ART1: variants seen among roughly 807,000 people sequenced by gnomAD.
ART1 encodes GPI-linked NAD(P)(+)--arginine ADP-ribosyltransferase 1.
ART1 carries 29 observed loss-of-function variants against 27.0 expected under a neutral mutation model. The observed-to-expected ratio is 1.08, with a 90% CI of 0.80 to 1.47. ART1 has a LOEUF of 1.47. ART1 is among the 40% of genes most tolerant of loss of function. ART1 has a pLI of 0.00. For synonymous variants in ART1, 201 were observed against 172.2 expected, an observed-to-expected ratio of 1.17 and a Z score of -1.31; for missense variants, 480 against 423.0, an observed-to-expected ratio of 1.13 and a Z score of -1.18.
At position 3,661,360 on chromosome 11, in the gene ART1, T is replaced by C. The variant is rs2077618570; in HGVS notation, c.845-12T>C. 6.2e-7 allele frequency: 1 copy of C among 1,610,800 alleles called. No homozygotes were observed. The highest frequency in any genetic ancestry group is 8.5e-7 in the Non-Finnish European group (1 of 1,179,196). On this transcript the variant is annotated splice_polypyrimidine_tract_variant and intron_variant, in intron 3 of 4. Transcript: ENST00000250693. ...CCTGAGCCTTTCATTCTTTACTGTT[T>C]CTTTTCTATAGACAAGAAGTGCAAG... is the stretch of plus-strand genomic sequence containing the variant.
chr11:3,653,441 C>T (rs548090218), intron 1 of ART1, among the ~76,000 whole-genome samples: 1 of 148,424 alleles, frequency 6.7e-6, no homozygotes, highest in Non-Finnish European at 1.5e-5. Flanking sequence ...CTTGTGACCC[C>T]CACTCTGACT....
intron 1 of ART1, among the ~76,000 whole-genome samples, chr11:3,651,573 T>A (rs2077522355): frequency 6.6e-6 from 1 of 150,826 alleles, no homozygotes; most frequent in African/African-American, 2.5e-5. Context: ...AGCCCTCATG[T>A]CTGCGTGCAG....
intron 1 of ART1, among the ~76,000 whole-genome samples, chr11:3,651,648 T>A (rs2077522942): frequency 6.6e-6 from 1 of 151,896 alleles, no homozygotes; most frequent in East Asian, 1.9e-4. Flanking sequence ...AGCTCACTCT[T>A]CACATTTCTC....
intron 1 of ART1, among the ~76,000 whole-genome samples, chr11:3,647,670 A>C (rs2077480325): frequency 6.6e-6 from 1 of 152,082 alleles, no homozygotes; most frequent in Non-Finnish European, 1.5e-5. Flanking sequence ...AAATAAAAAT[A>C]AAATGAAAAC....
chr11:3,656,355 CTTATTTATTTATTTAT>C (rs759921970), intron 1 of ART1, among the ~76,000 whole-genome samples: 1 of 140,194 alleles, frequency 7.1e-6, no homozygotes, highest in East Asian at 2.0e-4. Context: ...TGTAGCCTGG[CTTATTTATTTATTTAT>C]TTATTTATTT....
At chr11:3,655,424 A>G (rs1355387885) in intron 1 of ART1, 2 of 152,270 alleles carry the variant, frequency 1.3e-5, no homozygotes, top group Non-Finnish European at 2.9e-5. Context: ...TCTGACTTCC[A>G]GCCCTCATTG....
chr11:3,659,879 C>G lies in ART1; in HGVS notation c.360C>G (p.Ala120=). 1 of 1,612,910 alleles carries G rather than the reference C, an allele frequency of 6.2e-7. No homozygotes were observed. Among genetic ancestry groups the G allele is most frequent in the Non-Finnish European group, 8.5e-7 (1 of 1,179,648 alleles). Residue 120 remains alanine, a synonymous_variant, in exon 3 of 5, where the codon GCC becomes GCG. Coordinates refer to ENST00000250693, the MANE Select transcript of ART1 (RefSeq NM_004314.3). ...FRDEHGVALL[A]YTANSPLHKE... The stretch of plus-strand genomic sequence containing the variant: ...ATGAGCATGGGGTGGCCCTCCTGGC[C>G]TACACAGCCAACAGCCCCCTGCACA...
chr11:3,659,478 T>A, intron 2 of ART1, 105 bp from the exon 3 acceptor site: 1 of 1,411,172 alleles, frequency 7.1e-7, no homozygotes, highest in East Asian at 2.3e-5. Context: ...CCAGGTGTGT[T>A]TGGGGCCCTT....
intron 1 of ART1, among the ~76,000 whole-genome samples, chr11:3,650,498 C>T (rs2077512202): frequency 6.6e-6 from 1 of 152,158 alleles, no homozygotes; most frequent in Non-Finnish European, 1.5e-5. Context: ...TAAGTCCGTC[C>T]CCTTCTTAAT....
intron 1 of ART1, among the ~76,000 whole-genome samples, chr11:3,651,285 C>G (rs1188242925): frequency 1.3e-5 from 2 of 150,200 alleles, no homozygotes; most frequent in Non-Finnish European, 2.9e-5. Context: ...CAGCAAATTA[C>G]CTGGGCTGTA....
In ART1 at chr11:3,663,099, C is replaced by CTCA. The variant is rs1554883251; in HGVS notation, c.887-990_887-988dup. ...TCATCATCTCATCTCATCATCTCAT[C>CTCA]TCATCTCATCTCATCTCATCTCATC... is the stretch of plus-strand genomic sequence containing the variant. On this transcript the variant is annotated intron_variant, in intron 4 of 4. Transcript: ENST00000250693. 4.6e-3 allele frequency among the ~76,000 whole-genome samples: 576 copies of CTCA among 124,080 alleles called. 2 individuals carry two copies. The highest frequency in any genetic ancestry group is 0.018 in the African/African-American group (430 of 24,264). The allele number at this position is 124,080 out of a possible 152,430, so 81.4% of individuals were successfully genotyped here. A position where few individuals can be genotyped will look rare whatever the true frequency, so the allele number is the denominator to read the frequency against.
Position 3,658,588 on chromosome 11 carries a change from G to C in ART1, c.-52-574G>C, listed in dbSNP as rs2077592620. On this transcript the variant is annotated intron_variant, in intron 1 of 4. Transcript: ENST00000250693. Reference sequence around the variant, plus strand: ...TCTGTCCCTCCCTGGAAGCACCGAAGGCTCATTCCACAAGAGGACTGCAGG... The same window carrying C: ...TCTGTCCCTCCCTGGAAGCACCGAACGCTCATTCCACAAGAGGACTGCAGG... Among the ~76,000 whole-genome samples, 5 of 152,196 alleles carry C rather than the reference G, an allele frequency of 3.3e-5. No homozygotes were observed. The South Asian group carries it at 8.3e-4, about 25-fold the overall frequency.
intron 1 of ART1, among the ~76,000 whole-genome samples, chr11:3,646,844 T>C (rs2077472694): frequency 6.6e-6 from 1 of 152,198 alleles, no homozygotes; most frequent in African/African-American, 2.4e-5. Flanking sequence ...ACATTTTTAC[T>C]GAGCACCTGC....
chr11:3,656,045 G>A (rs972705065), intron 1 of ART1, among the ~76,000 whole-genome samples: 16 of 148,370 alleles, frequency 1.1e-4, no homozygotes, highest in African/African-American at 2.5e-4. Flanking sequence ...AGATTCTTCT[G>A]CCTCAGCTTC....
intron 1 of ART1, among the ~76,000 whole-genome samples, chr11:3,647,833 TG>T (rs1232865118): frequency 2.0e-5 from 3 of 148,632 alleles, no homozygotes; most frequent in African/African-American, 5.0e-5. Context: ...TCAATGAGGC[TG>T]AAAAAAAAAA....
chr11:3,657,022 T>C (rs752192573), intron 1 of ART1, among the ~76,000 whole-genome samples: 3 of 152,192 alleles, frequency 2.0e-5, no homozygotes, highest in Non-Finnish European at 4.4e-5. Flanking sequence ...GATTTGAAGA[T>C]TAATGAAATT....
At position 3,653,799 on chromosome 11, in the gene ART1, A is replaced by G. The variant is rs200316536; in HGVS notation, c.-52-5363A>G. Reference sequence around the variant, plus strand: ...TAAATTCCACCTCCTACCTCTGTCTATCCTCACTGCCATTCTCCCATCAGA... The same window carrying G: ...TAAATTCCACCTCCTACCTCTGTCTGTCCTCACTGCCATTCTCCCATCAGA... On this transcript the variant is annotated intron_variant, in intron 1 of 4. Transcript: ENST00000250693. Among the ~76,000 whole-genome samples, 166 of 132,452 alleles carry G rather than the reference A, an allele frequency of 1.3e-3. 1 individual carries two copies. Among genetic ancestry groups the G allele is most frequent in the East Asian group, 3.5e-3 (15 of 4,250 alleles). 86.9% of individuals were successfully genotyped at this position (132,452 alleles called of 152,430 possible).
intron 3 of ART1, 59 bp downstream of exon 3, chr11:3,660,422 G>A: frequency 1.3e-6 from 2 of 1,541,970 alleles, no homozygotes; most frequent in Non-Finnish European, 1.7e-6. Context: ...ACATCCACCA[G>A]GGACTTTGGC....
At chr11:3,659,402 A>G (rs1201063009) in intron 2 of ART1, 126 bp downstream of exon 2, 14 of 1,431,020 alleles carry the variant, frequency 9.8e-6, no homozygotes, top group South Asian at 8.4e-5. Flanking sequence ...CACTCAGCCC[A>G]AGGGGACAGC....
Sources: gnomAD v4.1 joint callset for allele counts (sites outside exome capture counted in the v4.1 genomes callset) on GRCh38, gnomAD v4.1.1 for gene constraint, MANE v1.5 for transcripts, NCBI Gene and HGNC (gene_info 2026-07-23, HGNC 2026-07-21) for gene names.